ADGRL2: variants seen among roughly 807,000 people sequenced by gnomAD.
ADGRL2 encodes the protein adhesion G protein-coupled receptor L2.
A neutral mutation model predicts 157.4 loss-of-function variants in ADGRL2; 44 were observed. That is an observed-to-expected ratio of 0.28 (90% CI 0.22 to 0.36). ADGRL2 has a LOEUF of 0.36. ADGRL2 is among the 10% of genes least tolerant of loss of function. The pLI is 1.00. For missense variants in ADGRL2, 1,510 were observed against 1,768.9 expected (o/e 0.85, Z 2.63); for synonymous variants, 585 against 624.7 (o/e 0.94, Z 0.95).
intron 2 of ADGRL2, among the ~76,000 whole-genome samples, chr1:81,448,067 C>A (rs1322895972): frequency 6.6e-6 from 1 of 151,754 alleles, no homozygotes; most frequent in Non-Finnish European, 1.5e-5. Context: ...GAAGATCCTG[C>A]CATGCTTCCT....
At chr1:81,390,614 A>T (rs896466014) in intron 1 of ADGRL2, among the ~76,000 whole-genome samples, 2 of 152,302 alleles carry the variant, frequency 1.3e-5, no homozygotes, top group Non-Finnish European at 2.9e-5. Flanking sequence ...TTCTTCCAGA[A>T]TTTTTCCATA....
rs925162506 is a variant in ADGRL2, at chr1:81,748,912, C to G, written c.-142-12899C>G. On this transcript the variant is annotated intron_variant, in intron 1 of 20. Transcript: ENST00000359929. ...TGAACTCCTGACCTCAGGTGCTCCA[C>G]CCGCCTTGGCCTCCCAAAGTGCTGA... Among the ~76,000 whole-genome samples the G allele has an allele frequency of 2.6e-5, 4 of 152,236 alleles. No individual in the cohort carries two copies. In the East Asian group the frequency reaches 5.8e-4, roughly 22 times the overall value.
intron 3 of ADGRL2, among the ~76,000 whole-genome samples, chr1:81,934,592 T>C (rs1041774790): frequency 1.3e-5 from 2 of 151,996 alleles, no homozygotes; most frequent in African/African-American, 4.8e-5. Context: ...TTGAGTACAA[T>C]TCCCTCTCTC....
chr1:81,835,395 C>CG (rs1329368280), intron 1 of ADGRL2, among the ~76,000 whole-genome samples: 6 of 152,120 alleles, frequency 3.9e-5, no homozygotes, highest in Non-Finnish European at 8.8e-5. Flanking sequence ...ATGAGATTAT[C>CG]TGACTTTTTA....
At chr1:81,833,933 G>A (rs2092119913) in intron 1 of ADGRL2, among the ~76,000 whole-genome samples, 1 of 152,134 alleles carries the variant, frequency 6.6e-6, no homozygotes, top group Non-Finnish European at 1.5e-5. Flanking sequence ...ACAGAGGTTT[G>A]GTAGACAATG....
intron 2 of ADGRL2, among the ~76,000 whole-genome samples, chr1:81,447,553 A>G (rs1230677503): frequency 6.6e-6 from 1 of 152,308 alleles, no homozygotes; most frequent in East Asian, 1.9e-4. Context: ...TTGGGGCTCT[A>G]GTCCCAAATC....
intron 1 of ADGRL2, among the ~76,000 whole-genome samples, chr1:81,350,768 C>T (rs540145095): frequency 5.4e-4 from 82 of 152,236 alleles, no homozygotes; most frequent in Middle Eastern, 6.8e-3. Flanking sequence ...CATTTGTTTA[C>T]GCATGCATTT....
intron 2 of ADGRL2, among the ~76,000 whole-genome samples, chr1:81,520,868 C>A (rs2148161729): frequency 6.6e-6 from 1 of 152,278 alleles, no homozygotes; most frequent in Non-Finnish European, 1.5e-5. Flanking sequence ...TCCTGAGAGA[C>A]CCAGGCTTTT....
intron 3 of ADGRL2, among the ~76,000 whole-genome samples, chr1:81,597,176 G>C (rs1318405468): frequency 1.3e-5 from 2 of 152,198 alleles, no homozygotes; most frequent in East Asian, 3.9e-4. Flanking sequence ...CTGTCATTTG[G>C]GGGAGAGGAT....
intron 2 of ADGRL2, among the ~76,000 whole-genome samples, chr1:81,850,239 T>C (rs903565344): frequency 6.6e-6 from 1 of 151,962 alleles, no homozygotes; most frequent in African/African-American, 2.4e-5. Flanking sequence ...CAGTCTATTG[T>C]AGTGAGTGAA....
At chr1:81,962,084 G>A (rs1655605094) in intron 11 of ADGRL2, among the ~76,000 whole-genome samples, 1 of 152,096 alleles carries the variant, frequency 6.6e-6, no homozygotes, top group African/African-American at 2.4e-5. Context: ...TTTTTGAGTG[G>A]TAGAGCATAC....
rs976960648 is a variant in ADGRL2 at position 81,991,910 on chromosome 1, T to C, written c.*765T>C. ...TTATGAAATGTTTTTTCTTACACTT[T>C]GTCATGGTAAGTTCTACTCATTTTC... On this transcript the variant is annotated 3_prime_UTR_variant, in exon 24 of 24. Transcript: ENST00000686636. The C allele has an allele frequency of 6.5e-6, 1 of 152,680 alleles. No individual in the cohort carries two copies. The highest frequency in any genetic ancestry group is 1.5e-5 in the Non-Finnish European group (1 of 68,050). 9.5% of individuals were successfully genotyped at this position (152,680 alleles called of 1,614,324 possible).
intron 1 of ADGRL2, among the ~76,000 whole-genome samples, chr1:81,823,606 A>G (rs773742365): frequency 6.6e-6 from 1 of 152,054 alleles, no homozygotes; most frequent in Non-Finnish European, 1.5e-5. Flanking sequence ...AAAATGTTAC[A>G]TTGTGATAGG....
chr1:81,967,321 G>A (rs1042716485), intron 13 of ADGRL2, among the ~76,000 whole-genome samples: 13 of 151,530 alleles, frequency 8.6e-5, no homozygotes, highest in African/African-American at 3.1e-4. Context: ...GAGTGCGGTG[G>A]CGCGATCTCG....
At chr1:81,691,894 ATG>A (rs1557569869) in intron 3 of ADGRL2, among the ~76,000 whole-genome samples, 25 of 147,734 alleles carry the variant, frequency 1.7e-4, no homozygotes, top group Non-Finnish European at 1.2e-4. Flanking sequence ...ATATATATAT[ATG>A]TATGTGTATA....
intron 1 of ADGRL2, among the ~76,000 whole-genome samples, chr1:81,425,842 T>C (rs908499911): frequency 2.0e-5 from 3 of 150,376 alleles, no homozygotes; most frequent in Non-Finnish European, 4.4e-5. Context: ...AAAAGACAGC[T>C]TAACAAAAGA....
chr1:81,533,295 C>T (rs962040962), intron 2 of ADGRL2, among the ~76,000 whole-genome samples: 1 of 152,188 alleles, frequency 6.6e-6, no homozygotes, highest in African/African-American at 2.4e-5. Context: ...AAGAGACTCA[C>T]TTGAACCCAT....
At chr1:81,921,705 G>T (rs546522349) in intron 3 of ADGRL2, among the ~76,000 whole-genome samples, 1 of 152,154 alleles carries the variant, frequency 6.6e-6, no homozygotes, top group African/African-American at 2.4e-5. Context: ...ATAATATGAG[G>T]ATAGACACTT....
At chr1:81,528,646 CAAAAAAAAAAAAAAAAAAA>C (rs59842382) in intron 2 of ADGRL2, among the ~76,000 whole-genome samples, 2 of 114,656 alleles carry the variant, frequency 1.7e-5, no homozygotes, top group Non-Finnish European at 1.8e-5. Context: ...GACTCCATCT[CAAAAAAAAAAAAAAAAAAA>C]AAAAAAAAAA....
Sources: gnomAD v4.1 joint callset for allele counts (sites outside exome capture counted in the v4.1 genomes callset) on GRCh38, gnomAD v4.1.1 for gene constraint, MANE v1.5 for transcripts, NCBI Gene and HGNC (gene_info 2026-07-23, HGNC 2026-07-21) for gene names.